Variants in ANKRD55 observed in about 807,000 individuals in gnomAD.
ANKRD55 encodes ankyrin repeat domain 55.
In ANKRD55, 41 loss-of-function variants were observed where a neutral mutation model predicts 60.6. The ratio of observed to expected loss-of-function variants is 0.68; its 90% CI spans 0.53 to 0.88. ANKRD55 has a LOEUF of 0.88. Among genes scored for constraint, ANKRD55 ranks in the 40% least tolerant of loss-of-function variants. The pLI is 0.00. For synonymous variants in ANKRD55, 264 were observed against 290.3 expected, an observed-to-expected ratio of 0.91 and a Z score of 0.92; for missense variants, 732 against 767.6, an observed-to-expected ratio of 0.95 and a Z score of 0.55.
intron 6 of ANKRD55, among the ~76,000 whole-genome samples, chr5:56,155,811 C>G (rs1758178198): frequency 6.8e-6 from 1 of 148,000 alleles, no homozygotes; most frequent in South Asian, 2.1e-4. Flanking sequence ...CACCATACCA[C>G]TGCACTGTAG....
rs149611404 is a variant in ANKRD55, at chr5:56,135,274, CCCTCCCTGCCTG to C, written c.613-8180_613-8169del. 2.2e-3 allele frequency among the ~76,000 whole-genome samples: 219 copies of C among 97,382 alleles called. 23 individuals are homozygous for C. Among genetic ancestry groups the C allele is most frequent in the African/African-American group, 8.2e-3 (180 of 22,056 alleles). 63.9% of individuals were successfully genotyped at this position (97,382 alleles called of 152,430 possible). On this transcript the variant is annotated intron_variant, in intron 7 of 11. Coordinates refer to ENST00000341048, the MANE Select transcript of ANKRD55 (RefSeq NM_024669.3). ...TCCTTCCTTCCTTCTTTCCCTCCCT[CCCTCCCTGCCTG>C]CCTGCTTGCTTTCTTTCTTTCTTTC...
In ANKRD55 at chr5:56,192,762, G is replaced by C. The variant is rs868291365; in HGVS notation, c.59-9128C>G. 1.6e-5 allele frequency: 19 copies of C among 1,163,312 alleles called. No individual in the cohort carries two copies. The Middle Eastern group carries it at 2.1e-3, about 126-fold the overall frequency. The allele number at this position is 1,163,312 out of a possible 1,614,324, so 72.1% of individuals were successfully genotyped here. ...AACTTCAATGCAGATTCTAGCCAAC[G>C]TAAAGATGAGAACACAGACATCGCT... On this transcript the variant is annotated intron_variant, in intron 2 of 11. Transcript: ENST00000341048.
intron 2 of ANKRD55, among the ~76,000 whole-genome samples, chr5:56,218,545 A>G (rs919704305): frequency 1.3e-5 from 2 of 152,246 alleles, no homozygotes; most frequent in Non-Finnish European, 2.9e-5. Context: ...TATTTTTAAA[A>G]TAAGGTATGC....
intron 2 of ANKRD55, among the ~76,000 whole-genome samples, chr5:56,209,089 C>G (rs749207622): frequency 5.3e-5 from 8 of 152,002 alleles, no homozygotes; most frequent in Non-Finnish European, 1.0e-4. Context: ...TCCTGAGTAG[C>G]TGCGATGACA....
At chr5:56,158,624 G>A (rs550558809) in intron 6 of ANKRD55, among the ~76,000 whole-genome samples, 1 of 152,272 alleles carries the variant, frequency 6.6e-6, no homozygotes, top group Non-Finnish European at 1.5e-5. Flanking sequence ...CGATCACTGG[G>A]ATTAATAATG....
At chr5:56,166,150 C>CTTTA (rs1561277832) in intron 5 of ANKRD55, among the ~76,000 whole-genome samples, 5 of 79,100 alleles carry the variant, frequency 6.3e-5, no homozygotes, top group African/African-American at 3.8e-4. Context: ...TTCTTTCTTT[C>CTTTA]TTTCTTCTTT....
At chr5:56,172,957 A>G (rs1428750479) in intron 4 of ANKRD55, among the ~76,000 whole-genome samples, 2 of 152,222 alleles carry the variant, frequency 1.3e-5, no homozygotes, top group Non-Finnish European at 2.9e-5. Flanking sequence ...AACTGCCTGT[A>G]GTAACTAGTT....
chr5:56,219,431 A>G (rs1759909244), intron 2 of ANKRD55, among the ~76,000 whole-genome samples: 1 of 152,216 alleles, frequency 6.6e-6, no homozygotes, highest in Non-Finnish European at 1.5e-5. Context: ...TATACCTGAT[A>G]AAATAAGAAT....
At chr5:56,159,763 G>T (rs1758279174) in intron 6 of ANKRD55, 70 bp downstream of exon 6, 2 of 1,478,720 alleles carry the variant, frequency 1.4e-6, no homozygotes, top group South Asian at 1.1e-5. Flanking sequence ...GAAGCACAAT[G>T]GTTCAGAAAC....
chr5:56,162,021 T>G, intron 5 of ANKRD55: 4 of 985,434 alleles, frequency 4.1e-6, no homozygotes, highest in Non-Finnish European at 4.8e-6. Flanking sequence ...CCTTTCTGTC[T>G]TCTCTGGCTC....
intron 5 of ANKRD55, among the ~76,000 whole-genome samples, chr5:56,166,217 CTTTCTT>C (rs1758480481): frequency 1.5e-4 from 20 of 137,744 alleles, no homozygotes; most frequent in Non-Finnish European, 2.7e-4. Context: ...CTCTCTCTCT[CTTTCTT>C]TCTTTCTTTC....
chr5:56,159,318 G>T lies in ANKRD55; in HGVS notation c.483+515C>A, dbSNP rs139213144. Among the ~76,000 whole-genome samples the T allele has an allele frequency of 6.2e-3, 946 of 152,284 alleles. 10 individuals are homozygous for T. Among genetic ancestry groups the T allele is most frequent in the African/African-American group, 0.021 (862 of 41,568 alleles). On this transcript the variant is annotated intron_variant, in intron 6 of 11. Transcript: ENST00000341048. ...CTCTACTAAAAGTACAAAATTAGCC[G>T]GGTGTGGTGGCGCCTGCTTGTAATC...
chr5:56,183,879 T>A (rs186340561), intron 2 of ANKRD55, among the ~76,000 whole-genome samples: 1 of 152,298 alleles, frequency 6.6e-6, no homozygotes, highest in Admixed American at 6.5e-5. Context: ...ATTTGAGATT[T>A]TCTGATTATT....
intron 2 of ANKRD55, among the ~76,000 whole-genome samples, chr5:56,203,949 C>T: frequency 6.6e-6 from 1 of 151,948 alleles, no homozygotes. Context: ...TACAGTCCCA[C>T]CAACAGTGTA....
chr5:56,228,683 C>T (rs1760176421), intron 2 of ANKRD55, among the ~76,000 whole-genome samples: 3 of 152,106 alleles, frequency 2.0e-5, no homozygotes, highest in Admixed American at 2.0e-4. Flanking sequence ...CCTTGGCTTC[C>T]CAAGCTGCTG....
At chr5:56,213,233 T>C (rs187471014) in intron 2 of ANKRD55, among the ~76,000 whole-genome samples, 24 of 152,308 alleles carry the variant, frequency 1.6e-4, no homozygotes, top group Non-Finnish European at 3.1e-4. Context: ...AAACATTAAC[T>C]TTTATTTGTA....
intron 4 of ANKRD55, among the ~76,000 whole-genome samples, chr5:56,175,148 C>T (rs926098964): frequency 6.6e-6 from 1 of 152,192 alleles, no homozygotes; most frequent in African/African-American, 2.4e-5. Flanking sequence ...AAAAAGTAGG[C>T]TCTAAAGGAA....
intron 8 of ANKRD55, among the ~76,000 whole-genome samples, chr5:56,122,551 C>T (rs62363945): frequency 0.17 from 26,287 of 151,306 alleles, 2,505 homozygotes; most frequent in Non-Finnish European, 0.21. Context: ...CCCAGCTACT[C>T]GGGAGGCTGA....
chr5:56,100,022 G>T lies in ANKRD55; in HGVS notation c.*161C>A, dbSNP rs1180922555. On this transcript the variant is annotated 3_prime_UTR_variant, in exon 12 of 12. Transcript: ENST00000341048. Reference sequence around the variant, plus strand: ...CAAATATTCTAAGTGCTTATTTAGGGAGTATCTTTATTTGGAATAAAGAAT... The same window carrying T: ...CAAATATTCTAAGTGCTTATTTAGGTAGTATCTTTATTTGGAATAAAGAAT... 1.1e-5 allele frequency: 10 copies of T among 914,646 alleles called. No individual in the cohort carries two copies. Among genetic ancestry groups the T allele is most frequent in the East Asian group, 2.5e-5 (1 of 40,458 alleles). 56.7% of individuals were successfully genotyped at this position (914,646 alleles called of 1,614,324 possible). A position where few individuals can be genotyped will look rare whatever the true frequency, so the allele number is the denominator to read the frequency against.
Sources: allele counts gnomAD v4.1 joint callset (sites outside exome capture counted in the v4.1 genomes callset), GRCh38; gene constraint gnomAD v4.1.1; transcripts MANE v1.5; gene names NCBI Gene and HGNC (gene_info 2026-07-23, HGNC 2026-07-21).